DENND1A: variants seen among roughly 807,000 people sequenced by gnomAD.
The protein encoded by DENND1A is DENN domain-containing protein 1A.
In DENND1A, 51 loss-of-function variants were observed where a neutral mutation model predicts 113.7. The observed-to-expected ratio is 0.45, with a 90% CI of 0.36 to 0.57. The LOEUF (loss-of-function observed/expected upper bound fraction) is 0.57. DENND1A is among the 20% of genes least tolerant of loss of function. The probability of loss-of-function intolerance (pLI) is 0.00; values close to 1 mark genes in which losing one functional copy is unlikely to be tolerated. For synonymous variants in DENND1A, 565 were observed against 570.8 expected (o/e 0.99, Z 0.14); for missense variants, 1,258 against 1,395.9 (o/e 0.90, Z 1.57).
rs201622524 is a variant in DENND1A, at chr9:123,785,461, GA to G, written c.132+7125del. Among the ~76,000 whole-genome samples the G allele has an allele frequency of 5.8e-3, 880 of 151,772 alleles. 6 individuals carry two copies. The highest frequency in any genetic ancestry group is 0.02 in the African/African-American group (811 of 41,214). ...TATATTTTACTAGTAACAACACGGG[GA>G]AAAATAAGAGGCAACCTGTGATAGA... On this transcript the variant is annotated intron_variant, in intron 3 of 23. Transcript: ENST00000394215.
chr9:123,555,703 G>T (rs2057377062), intron 13 of DENND1A, among the ~76,000 whole-genome samples: 1 of 152,236 alleles, frequency 6.6e-6, no homozygotes, highest in Non-Finnish European at 1.5e-5. Flanking sequence ...AGACAGCTAA[G>T]AAGTGCAGAG....
chr9:123,841,192 TTGTTA>T (rs1358905212), intron 2 of DENND1A, among the ~76,000 whole-genome samples: 5 of 152,222 alleles, frequency 3.3e-5, no homozygotes, highest in Admixed American at 6.5e-5. Flanking sequence ...CACTTTGTTA[TTGTTA>T]TACCAATTCC....
chr9:123,895,655 G>T (rs1404992979), intron 1 of DENND1A, among the ~76,000 whole-genome samples: 1 of 150,966 alleles, frequency 6.6e-6, no homozygotes, highest in Non-Finnish European at 1.5e-5. Flanking sequence ...AAAGAACAAA[G>T]ATTCAGACAA....
At chr9:123,714,654 G>A (rs923094111) in intron 5 of DENND1A, among the ~76,000 whole-genome samples, 1 of 152,098 alleles carries the variant, frequency 6.6e-6, no homozygotes, top group African/African-American at 2.4e-5. Flanking sequence ...CCTACTGTAA[G>A]AGAACCAGAA....
At position 123,728,479 on chromosome 9, in the gene DENND1A, C is replaced by CAAAAAAAAAAAAAAAAAAAAAAA. The variant is rs60761810; in HGVS notation, c.302+29201_302+29223dup. ...GCAACAATTGCAAAACTCTGTCTCC[C>CAAAAAAAAAAAAAAAAAAAAAAA]AAAAAAAAAAAAAAAAAAAAAAAAA... On this transcript the variant is annotated intron_variant, in intron 5 of 23. Transcript: ENST00000394215. Among the ~76,000 whole-genome samples the CAAAAAAAAAAAAAAAAAAAAAAA allele has an allele frequency of 1.1e-3, 27 of 25,194 alleles. 5 individuals carry two copies. The highest frequency in any genetic ancestry group is 1.5e-3 in the East Asian group (1 of 670). The allele number at this position is 25,194 out of a possible 152,430, so 16.5% of individuals were successfully genotyped here. A position where few individuals can be genotyped will look rare whatever the true frequency, so the allele number is the denominator to read the frequency against.
intron 13 of DENND1A, among the ~76,000 whole-genome samples, chr9:123,462,580 T>G (rs750332038): frequency 5.3e-5 from 8 of 152,168 alleles, no homozygotes; most frequent in Non-Finnish European, 1.0e-4. Flanking sequence ...GCGGATCACC[T>G]GTGGTCAGGA....
intron 19 of DENND1A, among the ~76,000 whole-genome samples, chr9:123,435,318 A>C (rs1390093520): frequency 1.3e-5 from 2 of 152,128 alleles, no homozygotes; most frequent in South Asian, 4.1e-4. Context: ...TTGGCACTAA[A>C]TGACCTGGCT....
chr9:123,676,227 A>G (rs2064067665), intron 6 of DENND1A, among the ~76,000 whole-genome samples: 1 of 152,108 alleles, frequency 6.6e-6, no homozygotes, highest in Non-Finnish European at 1.5e-5. Flanking sequence ...TCATTTTCAG[A>G]CCCCTACAAA....
intron 11 of DENND1A, among the ~76,000 whole-genome samples, chr9:123,602,826 C>T (rs551247508): frequency 6.6e-6 from 1 of 152,316 alleles, no homozygotes; most frequent in African/African-American, 2.4e-5. Flanking sequence ...TGTGTCACCA[C>T]ACCTGGCTAG....
In DENND1A at chr9:123,676,708, A is replaced by G. The variant is rs184568703; in HGVS notation, c.372+12T>C. On this transcript the variant is annotated intron_variant, in intron 6 of 23. Coordinates refer to ENST00000394215, the MANE Select transcript of DENND1A (RefSeq NM_001352964.2). Reference sequence around the variant, plus strand: ...TATTTGTTTAAAAGAATTATTTTAAAAAGGTAAATACCTGTCTTTTTGTCG... The same window carrying G: ...TATTTGTTTAAAAGAATTATTTTAAGAAGGTAAATACCTGTCTTTTTGTCG... 3.1e-6 allele frequency: 5 copies of G among 1,611,016 alleles called. No individual in the cohort carries two copies. In the African/African-American group the frequency reaches 4.0e-5, roughly 13 times the overall value.
intron 18 of DENND1A, among the ~76,000 whole-genome samples, chr9:123,442,768 T>C (rs1292157686): frequency 1.3e-5 from 2 of 152,226 alleles, no homozygotes; most frequent in Non-Finnish European, 2.9e-5. Context: ...GTTTTGTTTT[T>C]CCCATTAACT....
At chr9:123,488,649 T>C (rs186797400) in intron 13 of DENND1A, among the ~76,000 whole-genome samples, 206 of 152,306 alleles carry the variant, frequency 1.4e-3, no homozygotes, top group African/African-American at 4.9e-3. Flanking sequence ...GTCCCTGGAC[T>C]AGAGACCCTC....
chr9:123,510,832 C>T (rs775664232), intron 13 of DENND1A, among the ~76,000 whole-genome samples: 5 of 152,168 alleles, frequency 3.3e-5, no homozygotes, highest in Non-Finnish European at 7.3e-5. Context: ...AAAACAGGAG[C>T]ATTTCAAAGA....
intron 1 of DENND1A, among the ~76,000 whole-genome samples, chr9:123,925,809 C>A (rs561087154): frequency 2.0e-5 from 3 of 152,304 alleles, no homozygotes; most frequent in South Asian, 4.1e-4. Context: ...ATAATCACCA[C>A]CACAAGGCCA....
intron 2 of DENND1A, among the ~76,000 whole-genome samples, chr9:123,827,083 T>C (rs1839440693): frequency 6.6e-6 from 1 of 152,134 alleles, no homozygotes; most frequent in African/African-American, 2.4e-5. Flanking sequence ...TATTTTTCCA[T>C]TGAAAAAGAA....
chr9:123,754,544 T>C (rs954359773), intron 5 of DENND1A, among the ~76,000 whole-genome samples: 1 of 152,154 alleles, frequency 6.6e-6, no homozygotes, highest in Non-Finnish European at 1.5e-5. Flanking sequence ...GACGACACTA[T>C]GCCTTGGGAT....
chr9:123,447,009 T>C (rs924074012), intron 18 of DENND1A, among the ~76,000 whole-genome samples: 2 of 152,146 alleles, frequency 1.3e-5, no homozygotes, highest in Admixed American at 1.3e-4. Context: ...AGAAATGGAT[T>C]TGTGGCCACT....
chr9:123,648,512 C>T (rs902278285), intron 9 of DENND1A, among the ~76,000 whole-genome samples: 3 of 152,122 alleles, frequency 2.0e-5, no homozygotes, highest in African/African-American at 7.2e-5. Context: ...CATTGACAGG[C>T]TTGTCTTCTT....
chr9:123,639,235 C>A lies in DENND1A; in HGVS notation c.619-8759G>T, dbSNP rs543687323. Among the ~76,000 whole-genome samples the A allele has an allele frequency of 5.2e-4, 79 of 151,604 alleles. No homozygotes were observed. In the Middle Eastern group the frequency reaches 0.01, roughly 20 times the overall value. On this transcript the variant is annotated intron_variant, in intron 9 of 23. Coordinates refer to ENST00000394215, the MANE Select transcript of DENND1A (RefSeq NM_001352964.2). ...GGCGGATCACTTCAGGTCAGGAGTTCGAGACCAGCCTGGCCAACAGAGTGA... is the reference window on the plus strand; with the variant it reads ...GGCGGATCACTTCAGGTCAGGAGTTAGAGACCAGCCTGGCCAACAGAGTGA...
Sources: allele counts gnomAD v4.1 joint callset (sites outside exome capture counted in the v4.1 genomes callset), GRCh38; gene constraint gnomAD v4.1.1; transcripts MANE v1.5; gene names NCBI Gene and HGNC (gene_info 2026-07-23, HGNC 2026-07-21).